The following ITGBL1 variants were observed in gnomAD, a reference collection of about 807,000 sequenced individuals.
ITGBL1 encodes the protein integrin beta-like protein 1.
In ITGBL1, 51 loss-of-function variants were observed where a neutral mutation model predicts 68.5. That is an observed-to-expected ratio of 0.74 (90% CI 0.59 to 0.94). The LOEUF (loss-of-function observed/expected upper bound fraction) is 0.94. Among genes scored for constraint, ITGBL1 ranks in the 40% least tolerant of loss-of-function variants. The probability of loss-of-function intolerance (pLI) is 0.00; values close to 1 mark genes in which losing one functional copy is unlikely to be tolerated. For missense variants in ITGBL1, 649 were observed against 647.4 expected (o/e 1.00, Z -0.03); for synonymous variants, 209 against 227.3 (o/e 0.92, Z 0.72).
intron 8 of ITGBL1, among the ~76,000 whole-genome samples, chr13:101,705,726 C>T (rs1390360252): frequency 6.6e-6 from 1 of 152,270 alleles, no homozygotes; most frequent in African/African-American, 2.4e-5. Flanking sequence ...AAGGTTCACT[C>T]CTGAGGGTCC....
At chr13:101,476,551 G>C (rs1303896583) in intron 2 of ITGBL1, among the ~76,000 whole-genome samples, 1 of 151,908 alleles carries the variant, frequency 6.6e-6, no homozygotes, top group Non-Finnish European at 1.5e-5. Context: ...GTGACTTACT[G>C]GATTCAAAAA....
At chr13:101,572,890 G>A (rs2050296365) in intron 3 of ITGBL1, among the ~76,000 whole-genome samples, 1 of 152,040 alleles carries the variant, frequency 6.6e-6, no homozygotes, top group South Asian at 2.1e-4. Context: ...ATATATGAGA[G>A]GCCCATATTA....
intron 7 of ITGBL1, among the ~76,000 whole-genome samples, chr13:101,687,925 A>C (rs2033793368): frequency 6.6e-6 from 1 of 152,052 alleles, no homozygotes; most frequent in South Asian, 2.1e-4. Flanking sequence ...ATGTCGTATA[A>C]AGTAGCACAG....
intron 7 of ITGBL1, among the ~76,000 whole-genome samples, chr13:101,676,705 G>T (rs1366955627): frequency 6.6e-6 from 1 of 151,972 alleles, no homozygotes; most frequent in African/African-American, 2.4e-5. Context: ...TGGATTTTTG[G>T]TAATCTAAAA....
chr13:101,600,090 G>A (rs1233189602), intron 7 of ITGBL1, among the ~76,000 whole-genome samples: 1 of 152,128 alleles, frequency 6.6e-6, no homozygotes, highest in Non-Finnish European at 1.5e-5. Flanking sequence ...TCTTTCATTT[G>A]TTTGTATGCT....
At chr13:101,655,951 A>G (rs1435304556) in intron 7 of ITGBL1, among the ~76,000 whole-genome samples, 1 of 152,204 alleles carries the variant, frequency 6.6e-6, no homozygotes, top group East Asian at 1.9e-4. Flanking sequence ...TGTCGAAGGT[A>G]CAGCTTGGTT....
At chr13:101,656,275 AG>A (rs2032921691) in intron 7 of ITGBL1, among the ~76,000 whole-genome samples, 1 of 152,216 alleles carries the variant, frequency 6.6e-6, no homozygotes, top group Admixed American at 6.5e-5. Context: ...CTAGACTTTT[AG>A]TTAATCTCTT....
In ITGBL1 at chr13:101,600,720, G is replaced by A. The variant is rs190600748; in HGVS notation, c.1015+2421G>A. On this transcript the variant is annotated intron_variant, in intron 7 of 10. Transcript: ENST00000376180. ...TCATGTGATTTTTGTCTTTGGTTCT[G>A]TTTATATGCTGGATTACAGTTATTG... 4.6e-5 allele frequency among the ~76,000 whole-genome samples: 7 copies of A among 152,260 alleles called. No individual in the cohort carries two copies. The East Asian group carries it at 1.4e-3, about 29-fold the overall frequency.
intron 2 of ITGBL1, among the ~76,000 whole-genome samples, chr13:101,527,155 A>G (rs2049394725): frequency 6.6e-6 from 1 of 152,110 alleles, no homozygotes; most frequent in South Asian, 2.1e-4. Flanking sequence ...ACTTTAGTGC[A>G]TATTGCCCAT....
intron 2 of ITGBL1, among the ~76,000 whole-genome samples, chr13:101,479,674 G>A (rs1008627226): frequency 2.6e-5 from 4 of 151,878 alleles, no homozygotes; most frequent in African/African-American, 9.7e-5. Context: ...ATTTTTTGAA[G>A]ACATACAAAT....
rs1252436484 is a variant in ITGBL1, at chr13:101,594,528, T to C, written c.869-3625T>C. Among the ~76,000 whole-genome samples the C allele has an allele frequency of 4.2e-5, 5 of 120,216 alleles. No individual in the cohort carries two copies. In the East Asian group the frequency reaches 8.0e-4, roughly 19 times the overall value. 78.9% of individuals were successfully genotyped at this position (120,216 alleles called of 152,430 possible). On this transcript the variant is annotated intron_variant, in intron 6 of 10. Coordinates refer to ENST00000376180, the MANE Select transcript of ITGBL1 (RefSeq NM_004791.3). ...TCCATGCCATTGGTCTTAGCAATGA[T>C]TTTTTTTTGGATATAACACCAGAAC...
At chr13:101,547,854 G>A (rs1177991470) in intron 2 of ITGBL1, among the ~76,000 whole-genome samples, 2 of 150,584 alleles carry the variant, frequency 1.3e-5, no homozygotes, top group African/African-American at 4.9e-5. Context: ...CCACAACAAT[G>A]AAAAAGAAAA....
At chr13:101,671,713 C>T (rs919393686) in intron 7 of ITGBL1, among the ~76,000 whole-genome samples, 1 of 152,064 alleles carries the variant, frequency 6.6e-6, no homozygotes, top group Non-Finnish European at 1.5e-5. Flanking sequence ...GCTGGGATTA[C>T]AGGCGTGAGC....
chr13:101,703,465 T>C (rs371085465), intron 8 of ITGBL1, among the ~76,000 whole-genome samples: 11 of 152,290 alleles, frequency 7.2e-5, no homozygotes, highest in East Asian at 1.9e-4. Flanking sequence ...AGCTAAAACA[T>C]AACAAAGGCT....
At chr13:101,579,074 A>G (rs1457468295) in intron 4 of ITGBL1, among the ~76,000 whole-genome samples, 1 of 152,216 alleles carries the variant, frequency 6.6e-6, no homozygotes, top group East Asian at 1.9e-4. Context: ...AGGCCAAGTT[A>G]AAGGACACTT....
intron 2 of ITGBL1, among the ~76,000 whole-genome samples, chr13:101,560,089 G>A (rs1205714363): frequency 1.3e-5 from 2 of 152,112 alleles, no homozygotes; most frequent in Non-Finnish European, 2.9e-5. Context: ...AAATGGTGAA[G>A]TTTCTATCTC....
rs944259237 is a variant in ITGBL1 at position 101,575,451 on chromosome 13, G to A, written c.491G>A (p.Cys164Tyr). Residue 164 changes from cysteine to tyrosine, a missense_variant, in exon 4 of 11, where the codon TGT becomes TAT. Coordinates refer to ENST00000376180, the MANE Select transcript of ITGBL1 (RefSeq NM_004791.3). ...AGTCHCGRCKCDNSDGSGLVY... is the reference protein window; with the variant it reads ...AGTCHCGRCKYDNSDGSGLVY... ...ACATGTCACTGTGGCAGGTGTAAGTGTGATAATTCAGATGGAAGTGGACTT... is the reference window on the plus strand; with the variant it reads ...ACATGTCACTGTGGCAGGTGTAAGTATGATAATTCAGATGGAAGTGGACTT... The A allele has an allele frequency of 2.5e-6, 4 of 1,613,028 alleles. No individual in the cohort carries two copies. The highest frequency in any genetic ancestry group is 1.7e-5 in the Admixed American group (1 of 59,962).
intron 8 of ITGBL1, among the ~76,000 whole-genome samples, chr13:101,699,033 G>A (rs545396718): frequency 7.2e-5 from 11 of 152,154 alleles, no homozygotes; most frequent in African/African-American, 1.7e-4. Context: ...AGATCATGCC[G>A]CCTGAGAGTA....
intron 7 of ITGBL1, among the ~76,000 whole-genome samples, chr13:101,669,458 G>A (rs529397420): frequency 3.3e-5 from 5 of 152,212 alleles, no homozygotes; most frequent in Non-Finnish European, 5.9e-5. Context: ...AGAATGCAAA[G>A]GTTTGTAAAG....
Sources: allele counts gnomAD v4.1 joint callset (sites outside exome capture counted in the v4.1 genomes callset), GRCh38; gene constraint gnomAD v4.1.1; transcripts MANE v1.5; gene names NCBI Gene and HGNC (gene_info 2026-07-23, HGNC 2026-07-21).